ICA1: variants seen among roughly 807,000 people sequenced by gnomAD.
ICA1 encodes islet cell autoantigen 1.
ICA1 carries 40 observed loss-of-function variants against 71.0 expected under a neutral mutation model. The ratio of observed to expected loss-of-function variants is 0.56; its 90% CI spans 0.44 to 0.73. ICA1 has a LOEUF of 0.73. ICA1 is among the 30% of genes least tolerant of loss of function. The pLI is 0.00. For missense variants in ICA1, 578 were observed against 576.5 expected, an observed-to-expected ratio of 1.00 and a Z score of -0.03; for synonymous variants, 207 against 209.5, an observed-to-expected ratio of 0.99 and a Z score of 0.10.
Position 8,143,964 on chromosome 7 carries a change from T to C in ICA1, c.813A>G (p.Gln271=), listed in dbSNP as rs1449350658. 3.9e-6 allele frequency: 6 copies of C among 1,555,596 alleles called. No homozygotes were observed. In the Admixed American group the frequency reaches 6.7e-5, roughly 17 times the overall value. The change falls in exon 9 of 14, where the codon CAA becomes CAG. Residue 271 remains glutamine, a synonymous_variant. Coordinates refer to ENST00000402384, the MANE Select transcript of ICA1 (RefSeq NM_001136020.3). ...TCTCAACTAATTTTTTCATAGGGTC[T>C]TGTAAGCTCTTGATCACGAGCCATA... ...PYEFTTLKSL[Q]DPMKKLVEKE...
intron 4 of ICA1, among the ~76,000 whole-genome samples, chr7:8,225,490 C>T (rs1156785867): frequency 6.6e-6 from 1 of 152,112 alleles, no homozygotes; most frequent in Admixed American, 6.6e-5. Context: ...TTTTCCCTGC[C>T]CCAATCCTAG....
chr7:8,200,337 G>C (rs376512043), intron 6 of ICA1, among the ~76,000 whole-genome samples: 1 of 5,982 alleles, frequency 1.7e-4, no homozygotes, highest in East Asian at 6.2e-3. Flanking sequence ...GCACAGTTGA[G>C]CAAAAAAAAA....
chr7:8,190,866 G>T (rs1785353872), intron 6 of ICA1, among the ~76,000 whole-genome samples: 2 of 152,184 alleles, frequency 1.3e-5, no homozygotes, highest in African/African-American at 4.8e-5. Context: ...AGGGAACAAG[G>T]AAGTTTGCTT....
At chr7:8,145,261 C>T (rs542415416) in intron 8 of ICA1, among the ~76,000 whole-genome samples, 28 of 152,268 alleles carry the variant, frequency 1.8e-4, no homozygotes, top group African/African-American at 6.7e-4. Flanking sequence ...TGAAGATCTT[C>T]TAAAATGGGA....
chr7:8,245,104 T>C (rs574699993), intron 1 of ICA1, among the ~76,000 whole-genome samples: 1 of 152,290 alleles, frequency 6.6e-6, no homozygotes, highest in South Asian at 2.1e-4. Flanking sequence ...TAAAGACACA[T>C]GCACACGTAT....
At position 8,196,406 on chromosome 7, in the gene ICA1, C is replaced by T. The variant is rs116948643; in HGVS notation, c.579+21899G>A. Among the ~76,000 whole-genome samples, 625 of 152,292 alleles carry T rather than the reference C, an allele frequency of 4.1e-3. 4 individuals are homozygous for T. The highest frequency in any genetic ancestry group is 5.9e-3 in the Non-Finnish European group (401 of 68,022). ...GATGACTGCTCGGGCAATGAAACTACCCATATGCTACTAGAATGGTGGGTA... is the reference window on the plus strand; with the variant it reads ...GATGACTGCTCGGGCAATGAAACTATCCATATGCTACTAGAATGGTGGGTA... On this transcript the variant is annotated intron_variant, in intron 6 of 13. Transcript: ENST00000402384.
At chr7:8,120,762 C>T (rs1363797177) in intron 13 of ICA1, among the ~76,000 whole-genome samples, 3 of 152,192 alleles carry the variant, frequency 2.0e-5, no homozygotes, top group Non-Finnish European at 2.9e-5. Context: ...CCGTTACTTA[C>T]ATAAAGGAAA....
chr7:8,133,856 T>TTC (rs1282867468), intron 12 of ICA1, among the ~76,000 whole-genome samples: 1 of 150,942 alleles, frequency 6.6e-6, no homozygotes, highest in Non-Finnish European at 1.5e-5. Flanking sequence ...CTTTTTTTTT[T>TTC]TTTTTTTTTT....
chr7:8,139,106 C>T (rs933276490), intron 10 of ICA1, 59 bp from the exon 11 acceptor site: 172 of 1,338,534 alleles, frequency 1.3e-4, no homozygotes, highest in Middle Eastern at 5.4e-4. Context: ...CATGTTCATA[C>T]GCTATTGCAG....
rs185185985 is a variant in ICA1 at position 8,253,212 on chromosome 7, C to G, written c.-80+8882G>C. Among the ~76,000 whole-genome samples the G allele has an allele frequency of 2.0e-5, 3 of 152,280 alleles. No homozygotes were observed. In the East Asian group the frequency reaches 5.8e-4, roughly 29 times the overall value. ...TACAAATACCCTTAAACAGTTATTTCTGCTCAGAATCTCTGACATTCTGTC... is the reference window on the plus strand; with the variant it reads ...TACAAATACCCTTAAACAGTTATTTGTGCTCAGAATCTCTGACATTCTGTC... On this transcript the variant is annotated intron_variant, in intron 1 of 13. Coordinates refer to ENST00000402384, the MANE Select transcript of ICA1 (RefSeq NM_001136020.3).
chr7:8,245,564 T>C (rs1010856932), intron 1 of ICA1, among the ~76,000 whole-genome samples: 3 of 151,920 alleles, frequency 2.0e-5, no homozygotes, highest in African/African-American at 7.3e-5. Context: ...ATAATAATAA[T>C]AATTAAAAAA....
intron 8 of ICA1, among the ~76,000 whole-genome samples, chr7:8,152,223 C>T (rs568108714): frequency 6.6e-6 from 1 of 152,012 alleles, no homozygotes; most frequent in Non-Finnish European, 1.5e-5. Flanking sequence ...GGCCAGACCT[C>T]CTGTCCCACT....
At chr7:8,126,457 C>T (rs910675306) in intron 13 of ICA1, among the ~76,000 whole-genome samples, 1 of 152,198 alleles carries the variant, frequency 6.6e-6, no homozygotes, top group East Asian at 1.9e-4. Context: ...CCTGCTATCT[C>T]TACCTCCATT....
chr7:8,235,065 G>A (rs1170454290), intron 2 of ICA1, among the ~76,000 whole-genome samples: 1 of 152,128 alleles, frequency 6.6e-6, no homozygotes, highest in African/African-American at 2.4e-5. Context: ...TCGGGAGGCT[G>A]AGGCAGGAGA....
At chr7:8,136,389 T>A (rs1042860338) in intron 12 of ICA1, among the ~76,000 whole-genome samples, 10 of 152,216 alleles carry the variant, frequency 6.6e-5, no homozygotes, top group Non-Finnish European at 1.5e-4. Context: ...CATATTGTAA[T>A]CAGCATTTTA....
At chr7:8,221,889 A>G (rs900481746) in intron 4 of ICA1, among the ~76,000 whole-genome samples, 2 of 152,066 alleles carry the variant, frequency 1.3e-5, no homozygotes, top group Non-Finnish European at 2.9e-5. Context: ...TTTGGTTGGA[A>G]GTGGGGGTAG....
chr7:8,190,351 T>A (rs370633421), intron 6 of ICA1, among the ~76,000 whole-genome samples: 21 of 152,308 alleles, frequency 1.4e-4, no homozygotes, highest in Non-Finnish European at 2.4e-4. Context: ...GATGATCTCT[T>A]TCCTTCCTCT....
chr7:8,183,945 G>A (rs1182898571), intron 6 of ICA1, among the ~76,000 whole-genome samples: 6 of 152,154 alleles, frequency 3.9e-5, no homozygotes, highest in South Asian at 4.2e-4. Flanking sequence ...GAAAAACACC[G>A]CAAGAATAAA....
intron 13 of ICA1, among the ~76,000 whole-genome samples, chr7:8,118,578 T>C: frequency 6.6e-6 from 1 of 152,158 alleles, no homozygotes; most frequent in East Asian, 1.9e-4. Flanking sequence ...TCCTAGAAAA[T>C]TGGCCCCTGA....
Sources: allele counts gnomAD v4.1 joint callset (sites outside exome capture counted in the v4.1 genomes callset), GRCh38; gene constraint gnomAD v4.1.1; transcripts MANE v1.5; gene names NCBI Gene and HGNC (gene_info 2026-07-23, HGNC 2026-07-21).